The following KCNK2 variants were observed in gnomAD, a reference collection of about 807,000 sequenced individuals.
The protein encoded by KCNK2 is potassium channel subfamily K member 2.
In KCNK2, 21 loss-of-function variants were observed where a neutral mutation model predicts 40.5. The observed-to-expected ratio is 0.52, with a 90% CI of 0.37 to 0.75. The LOEUF (loss-of-function observed/expected upper bound fraction) is 0.75. Ranked by LOEUF, KCNK2 falls within the 30% of genes least tolerant of loss-of-function variation. The pLI is 0.00. For synonymous variants in KCNK2, 191 were observed against 202.2 expected, an observed-to-expected ratio of 0.94 and a Z score of 0.47; for missense variants, 399 against 531.6, an observed-to-expected ratio of 0.75 and a Z score of 2.45.
At chr1:215,068,232 G>A (rs546865221) in intron 1 of KCNK2, among the ~76,000 whole-genome samples, 6 of 152,180 alleles carry the variant, frequency 3.9e-5, no homozygotes, top group Admixed American at 3.3e-4. Flanking sequence ...TGAGAACATA[G>A]TAAAGGGGTA....
chr1:215,072,253 G>A (rs993051411), intron 1 of KCNK2, among the ~76,000 whole-genome samples: 4 of 152,080 alleles, frequency 2.6e-5, no homozygotes, highest in Admixed American at 6.5e-5. Flanking sequence ...CTCGAGACTG[G>A]GTAATTTGTA....
intron 2 of KCNK2, among the ~76,000 whole-genome samples, chr1:215,088,913 G>T (rs2102533638): frequency 6.6e-6 from 1 of 152,188 alleles, no homozygotes; most frequent in Non-Finnish European, 1.5e-5. Flanking sequence ...TTTCAGTGCA[G>T]AAATTACCTT....
chr1:215,100,667 C>CCT (rs1167463559), intron 2 of KCNK2, among the ~76,000 whole-genome samples: 1 of 152,084 alleles, frequency 6.6e-6, no homozygotes, highest in Admixed American at 6.6e-5. Context: ...GATGGTTTCT[C>CCT]AGAACACCCA....
chr1:215,156,029 G>T (rs1472634468), intron 3 of KCNK2, among the ~76,000 whole-genome samples: 5 of 151,272 alleles, frequency 3.3e-5, no homozygotes, highest in Non-Finnish European at 5.9e-5. Context: ...TTATGTGTGT[G>T]TGTATATATT....
intron 1 of KCNK2, among the ~76,000 whole-genome samples, chr1:215,065,688 G>A (rs752102426): frequency 3.3e-5 from 5 of 152,166 alleles, no homozygotes; most frequent in Non-Finnish European, 5.9e-5. Context: ...TCAGTGCCTT[G>A]TTCTTACAAA....
chr1:215,127,429 C>A (rs1394928366), intron 3 of KCNK2, among the ~76,000 whole-genome samples: 1 of 152,184 alleles, frequency 6.6e-6, no homozygotes, highest in Non-Finnish European at 1.5e-5. Context: ...AAATTCTATT[C>A]CATAGTTTCA....
chr1:215,104,684 G>C (rs904946227), intron 2 of KCNK2, among the ~76,000 whole-genome samples: 6 of 151,918 alleles, frequency 3.9e-5, no homozygotes, highest in African/African-American at 1.5e-4. Context: ...TTTTTAAAAA[G>C]GACTTCACAA....
At chr1:215,091,778 A>G (rs1659703300) in intron 2 of KCNK2, among the ~76,000 whole-genome samples, 1 of 152,184 alleles carries the variant, frequency 6.6e-6, no homozygotes, top group African/African-American at 2.4e-5. Flanking sequence ...GTGACTTTTA[A>G]GTAAAGAGTG....
chr1:215,102,232 T>G (rs1216293488), intron 2 of KCNK2, among the ~76,000 whole-genome samples: 2 of 151,938 alleles, frequency 1.3e-5, no homozygotes, highest in South Asian at 4.1e-4. Context: ...CAGCTTCCAG[T>G]GGGACAAGAT....
rs772915557 is a variant in KCNK2 at position 215,195,083 on chromosome 1, A to C, written c.954A>C (p.Thr318=). 2.1e-5 allele frequency: 34 copies of C among 1,604,838 alleles called. No homozygotes were observed. The highest frequency in any genetic ancestry group is 2.8e-5 in the Non-Finnish European group (33 of 1,175,100). ...GGCTCCGAGTGATATCTAAAAAGAC[A>C]AAAGAAGAGGTGAGAATTAAGAAGT... ...GDWLRVISKK[T]KEEVGEFRAH... Residue 318 remains threonine, a synonymous_variant, in exon 6 of 7, where the codon ACA becomes ACC. Transcript: ENST00000444842.
At chr1:215,157,025 T>G (rs1353035050) in intron 3 of KCNK2, among the ~76,000 whole-genome samples, 22 of 152,112 alleles carry the variant, frequency 1.4e-4, no homozygotes, top group Non-Finnish European at 1.5e-5. Context: ...CACTCCAGCC[T>G]GGGCAACAAG....
intron 6 of KCNK2, among the ~76,000 whole-genome samples, chr1:215,206,478 C>T (rs1402201297): frequency 6.6e-6 from 1 of 152,020 alleles, no homozygotes; most frequent in Non-Finnish European, 1.5e-5. Flanking sequence ...AGATTATAAC[C>T]TTTACATTAT....
chr1:215,183,339 T>A (rs1339403), intron 5 of KCNK2, among the ~76,000 whole-genome samples: 18,911 of 152,102 alleles, frequency 0.12, 2,461 homozygotes, highest in African/African-American at 0.33. Context: ...ACGTAAAATA[T>A]TTTTTTCTCT....
At chr1:215,013,182 G>T (rs1488810083) in intron 1 of KCNK2, among the ~76,000 whole-genome samples, 1 of 152,072 alleles carries the variant, frequency 6.6e-6, no homozygotes. Flanking sequence ...GTGGGTCAAG[G>T]TATGTATTTT....
Position 215,201,707 on chromosome 1 carries a change from G to A in KCNK2, c.963+6615G>A, listed in dbSNP as rs1209335424. On this transcript the variant is annotated intron_variant, in intron 6 of 6. Transcript: ENST00000444842. ...GTAGTTTGAAGTCCATCTCTTTATT[G>A]GGAGGATTGCGTAGGTGGTGTGTTC... 7.2e-5 allele frequency among the ~76,000 whole-genome samples: 11 copies of A among 152,212 alleles called. No individual in the cohort carries two copies. The East Asian group carries it at 2.1e-3, about 29-fold the overall frequency.
intron 2 of KCNK2, among the ~76,000 whole-genome samples, chr1:215,119,591 G>T (rs1378666638): frequency 6.6e-6 from 1 of 152,210 alleles, no homozygotes; most frequent in East Asian, 1.9e-4. Context: ...ATCCAATCAA[G>T]ATTATCTTTT....
chr1:215,200,910 G>A (rs996265289), intron 6 of KCNK2, among the ~76,000 whole-genome samples: 2 of 152,200 alleles, frequency 1.3e-5, no homozygotes, highest in Non-Finnish European at 2.9e-5. Flanking sequence ...TGTTGTGATT[G>A]CAGACGTAGC....
intron 2 of KCNK2, among the ~76,000 whole-genome samples, chr1:215,122,379 A>C (rs750250501): frequency 7.9e-5 from 12 of 152,166 alleles, no homozygotes; most frequent in Non-Finnish European, 1.6e-4. Context: ...AATAACTACA[A>C]AAACATTTAA....
chr1:215,053,484 C>A (rs1658057994), intron 1 of KCNK2, among the ~76,000 whole-genome samples: 1 of 152,058 alleles, frequency 6.6e-6, no homozygotes, highest in South Asian at 2.1e-4. Context: ...GTGGACAAGG[C>A]AAATTAAAAC....
Sources: gnomAD v4.1 joint callset for allele counts (sites outside exome capture counted in the v4.1 genomes callset) on GRCh38, gnomAD v4.1.1 for gene constraint, MANE v1.5 for transcripts, NCBI Gene and HGNC (gene_info 2026-07-23, HGNC 2026-07-21) for gene names.